The following BRCA2 variants were observed in gnomAD, a reference collection of about 807,000 sequenced individuals.
BRCA2 encodes the protein breast cancer type 2 susceptibility protein.
A neutral mutation model predicts 276.7 loss-of-function variants in BRCA2; 203 were observed. That is an observed-to-expected ratio of 0.73 (90% CI 0.65 to 0.82). BRCA2 has a LOEUF of 0.82. Ranked by LOEUF, BRCA2 falls within the 40% of genes least tolerant of loss-of-function variation. The pLI, the probability that BRCA2 is intolerant of heterozygous loss-of-function variation, is 0.00. For missense variants in BRCA2, 3,920 were observed against 3,915.0 expected (o/e 1.00, Z -0.03); for synonymous variants, 1,289 against 1,338.4 (o/e 0.96, Z 0.81).
chr13:32,370,934 T>C, intron 19 of BRCA2, 22 bp from the exon 20 acceptor site: 1 of 1,613,798 alleles, frequency 6.2e-7, no homozygotes, highest in Non-Finnish European at 8.5e-7. Flanking sequence ...ACTTTTTTGG[T>C]GTGTGTAACA....
At chr13:32,380,853 T>C (rs1325878523) in intron 24 of BRCA2, among the ~76,000 whole-genome samples, 3 of 152,222 alleles carry the variant, frequency 2.0e-5, no homozygotes, top group Admixed American at 6.5e-5. Context: ...GTCAAGCTTT[T>C]ATTTTATTGA....
At chr13:32,380,601 C>T (rs545105763) in intron 24 of BRCA2, among the ~76,000 whole-genome samples, 40 of 138,186 alleles carry the variant, frequency 2.9e-4, no homozygotes, top group African/African-American at 7.1e-4. Context: ...AGTGCAGTGG[C>T]GCTATCTCAG....
chr13:32,361,962 T>A (rs1409329571), intron 16 of BRCA2, among the ~76,000 whole-genome samples: 1 of 152,162 alleles, frequency 6.6e-6, no homozygotes, highest in Non-Finnish European at 1.5e-5. Context: ...AAATCAAGGA[T>A]CTCATTTTTC....
chr13:32,358,491 GAAAA>G (rs2072716760), intron 16 of BRCA2, among the ~76,000 whole-genome samples: 1 of 133,356 alleles, frequency 7.5e-6, no homozygotes, highest in East Asian at 2.3e-4. Context: ...AAAAAAAAAA[GAAAA>G]AAGTTAAATT....
At position 32,397,000 on chromosome 13, in the gene BRCA2, C is replaced by T. The variant is rs1555289789; in HGVS notation, c.9604C>T (p.Pro3202Ser). ...STPTKDCTSG[P>S]YTAQIIPGTG... ...CCCAACTAAAGACTGTACTTCAGGG[C>T]CGTACACTGCTCAAATCATTCCTGG... is the stretch of plus-strand genomic sequence containing the variant. The change falls in exon 26 of 27, where the codon CCG (proline) becomes TCG (serine). Residue 3202 changes from proline (P) to serine (S), a missense_variant. Transcript: ENST00000380152. 12 of 1,613,968 alleles carry T rather than the reference C, an allele frequency of 7.4e-6. No homozygotes were observed. The highest frequency in any genetic ancestry group is 1.0e-5 in the Non-Finnish European group (12 of 1,179,902).
In BRCA2 at chr13:32,363,492, G is replaced by A. The variant is rs786202189; in HGVS notation, c.8290G>A (p.Ala2764Thr). The change falls in exon 18 of 27, where the codon GCC becomes ACC. Residue 2764 changes from alanine to threonine, a missense_variant. Physicochemically the swap from Ala to Thr is moderately conservative, Grantham distance 58. Transcript: ENST00000380152. The stretch of plus-strand genomic sequence containing the variant: ...AGCAGAACTGGTGGGCTCTCCTGAT[G>A]CCTGTACACCTCTTGAAGCCCCAGA... ...HGAELVGSPD[A>T]CTPLEAPESL... 2 of 1,614,084 alleles carry A rather than the reference G, an allele frequency of 1.2e-6. No individual in the cohort carries two copies. The highest frequency in any genetic ancestry group is 1.7e-6 in the Non-Finnish European group (2 of 1,179,990).
chr13:32,349,488 T>C (rs553877234), intron 13 of BRCA2, among the ~76,000 whole-genome samples: 10 of 152,048 alleles, frequency 6.6e-5, no homozygotes, highest in Admixed American at 1.3e-4. Flanking sequence ...ATCTTTAGAA[T>C]TGGGTGGTGC....
intron 18 of BRCA2, among the ~76,000 whole-genome samples, chr13:32,366,049 G>A (rs991575268): frequency 2.6e-5 from 4 of 150,964 alleles, no homozygotes; most frequent in South Asian, 4.2e-4. Flanking sequence ...TTATAGATTT[G>A]TCTTTAAATA....
At chr13:32,358,903 C>T (rs2072719858) in intron 16 of BRCA2, among the ~76,000 whole-genome samples, 1 of 151,698 alleles carries the variant, frequency 6.6e-6, no homozygotes, top group Non-Finnish European at 1.5e-5. Context: ...CACTGCACTC[C>T]AGCCTGGGCA....
At position 32,398,978 on chromosome 13, in the gene BRCA2, A is replaced by T; in HGVS notation, c.*208A>T. 1.8e-6 allele frequency: 1 copy of T among 564,748 alleles called. No individual in the cohort carries two copies. The highest frequency in any genetic ancestry group is 3.0e-6 in the Non-Finnish European group (1 of 335,798). The allele number at this position is 564,748 out of a possible 1,614,324, so 35.0% of individuals were successfully genotyped here. A position where few individuals can be genotyped will look rare whatever the true frequency, so the allele number is the denominator to read the frequency against. On this transcript the variant is annotated 3_prime_UTR_variant, in exon 27 of 27. Coordinates refer to ENST00000380152, the MANE Select transcript of BRCA2 (RefSeq NM_000059.4). ...CTTTTGCTTCAGTTGCATATCTTAA[A>T]ACTAAATGTAATTTATTAACTAATC... is the stretch of plus-strand genomic sequence containing the variant.
chr13:32,340,216 C>T lies in BRCA2; in HGVS notation c.5861C>T (p.Thr1954Ile), dbSNP rs1060502413. ...KISPCDVSLE[T>I]SDICKCSIGK... ...TCACCTTGTGATGTTAGTTTGGAAACTTCAGATATATGTAAATGTAGTATA... is the reference window on the plus strand; with the variant it reads ...TCACCTTGTGATGTTAGTTTGGAAATTTCAGATATATGTAAATGTAGTATA... The change falls in exon 11 of 27, where the codon ACT becomes ATT. Residue 1954 changes from threonine (T) to isoleucine (I), a missense_variant. Thr to Ile is a moderately conservative substitution (Grantham distance 89). Coordinates refer to ENST00000380152, the MANE Select transcript of BRCA2 (RefSeq NM_000059.4). 1 of 1,613,892 alleles carries T rather than the reference C, an allele frequency of 6.2e-7. No homozygotes were observed. The highest frequency in any genetic ancestry group is 8.5e-7 in the Non-Finnish European group (1 of 1,179,872).
At position 32,337,048 on chromosome 13, in the gene BRCA2, G is replaced by A. The variant is rs397507292; in HGVS notation, c.2693G>A (p.Arg898Lys). ...NNFVFQVANE[R>K]NNLALGNTKE... ...TTTGTCTTCCAAGTAGCTAATGAAA[G>A]GAATAATCTTGCTTTAGGAAATACT... The change falls in exon 11 of 27, where the codon AGG becomes AAG. Residue 898 changes from arginine to lysine, a missense_variant. Around this residue, in one of 2 missense-constraint regions of BRCA2, gnomAD observed 3,263 missense variants for 3,156.9 expected, o/e 1.03. Coordinates refer to ENST00000380152, the MANE Select transcript of BRCA2 (RefSeq NM_000059.4). The A allele has an allele frequency of 6.2e-7, 1 of 1,600,024 alleles. No homozygotes were observed. Among genetic ancestry groups the A allele is most frequent in the Non-Finnish European group, 8.5e-7 (1 of 1,175,708 alleles).
At chr13:32,371,717 C>T (rs1337388595) in intron 20 of BRCA2, among the ~76,000 whole-genome samples, 1 of 152,076 alleles carries the variant, frequency 6.6e-6, no homozygotes, top group Non-Finnish European at 1.5e-5. Context: ...AAATCATTCA[C>T]AGGCATACCT....
chr13:32,390,747 C>T (rs1036063054), intron 24 of BRCA2, among the ~76,000 whole-genome samples: 4 of 152,134 alleles, frequency 2.6e-5, no homozygotes, highest in African/African-American at 7.2e-5. Flanking sequence ...CTGAATAAGC[C>T]ACCTACTAGC....
intron 24 of BRCA2, among the ~76,000 whole-genome samples, chr13:32,391,214 G>A (rs1401264638): frequency 6.6e-6 from 1 of 152,170 alleles, no homozygotes; most frequent in Non-Finnish European, 1.5e-5. Context: ...TTTGGGGAAA[G>A]CCTGTTTCCC....
In BRCA2 at chr13:32,337,160, TA is replaced by T. The variant is rs398122753; in HGVS notation, c.2808del (p.Lys936AsnfsTer24). The T allele has an allele frequency of 1.2e-6, 2 of 1,613,768 alleles. No individual in the cohort carries two copies. Among genetic ancestry groups the T allele is most frequent in the African/African-American group, 2.7e-5 (2 of 74,934 alleles). On this transcript the variant is annotated frameshift_variant, in exon 11 of 27. Coordinates refer to ENST00000380152, the MANE Select transcript of BRCA2 (RefSeq NM_000059.4). LOFTEE classifies it high-confidence loss of function. ...TGGTTTTATATGGAGACACAGGTGA[TA>T]AACAAGCAACCCAAGTGTCAATTAA... ...TMVLYGDTGD[K>X]QATQVSIKKD...
At position 32,398,568 on chromosome 13, in the gene BRCA2, T is replaced by C. The variant is rs960693786; in HGVS notation, c.10055T>C (p.Leu3352Pro). The change falls in exon 27 of 27, where the codon CTT becomes CCT. Residue 3352 changes from leucine to proline, a missense_variant. Around this residue, in one of 2 missense-constraint regions of BRCA2, gnomAD observed 657 missense variants for 758.2 expected, o/e 0.87. Coordinates refer to ENST00000380152, the MANE Select transcript of BRCA2 (RefSeq NM_000059.4). ...CTTGCATTGATAAATACCCAAGCTC[T>C]TTTGTCTGGTTCAACAGGAGAAAAA... ...EELALINTQA[L>P]LSGSTGEKQF... 1.9e-6 allele frequency: 3 copies of C among 1,614,168 alleles called. No homozygotes were observed. Among genetic ancestry groups the C allele is most frequent in the Non-Finnish European group, 1.7e-6 (2 of 1,180,018 alleles).
intron 13 of BRCA2, among the ~76,000 whole-genome samples, chr13:32,348,081 A>G (rs1206190801): frequency 2.0e-5 from 3 of 152,270 alleles, no homozygotes; most frequent in South Asian, 2.1e-4. Flanking sequence ...ACAAGTTGCT[A>G]TAAAAAGCTC....
intron 10 of BRCA2, among the ~76,000 whole-genome samples, chr13:32,334,887 G>A (rs1039629627): frequency 6.6e-6 from 1 of 152,168 alleles, no homozygotes; most frequent in Non-Finnish European, 1.5e-5. Flanking sequence ...CAACTAAACT[G>A]TATGTTTACA....
Sources: gnomAD v4.1 joint callset for allele counts (sites outside exome capture counted in the v4.1 genomes callset) on GRCh38, gnomAD v4.1.1 for gene constraint, gnomAD v4.1.1 regional missense constraint, MANE v1.5 for transcripts, NCBI Gene and HGNC (gene_info 2026-07-23, HGNC 2026-07-21) for gene names.